The following EFCAB13 variants were observed in gnomAD, a reference collection of about 807,000 sequenced individuals.
The protein encoded by EFCAB13 is EF-hand calcium binding domain 13.
A neutral mutation model predicts 110.2 loss-of-function variants in EFCAB13; 91 were observed. The observed-to-expected ratio is 0.83, with a 90% CI of 0.70 to 0.98. The LOEUF (loss-of-function observed/expected upper bound fraction) is 0.98, where lower values mean the gene tolerates loss of function less well. Among genes scored for constraint, EFCAB13 ranks in the 50% least tolerant of loss-of-function variants. The pLI is 0.00. For missense variants in EFCAB13, 968 were observed against 1,119.4 expected (o/e 0.86, Z 1.93); for synonymous variants, 323 against 369.9 (o/e 0.87, Z 1.45).
intron 10 of EFCAB13, among the ~76,000 whole-genome samples, chr17:47,366,128 A>G (rs1912483): frequency 0.53 from 79,751 of 151,796 alleles, 21,409 homozygotes; most frequent in Middle Eastern, 0.58. Context: ...ATAGGTAGAT[A>G]ATATGTTCAT....
intron 10 of EFCAB13, 152 bp downstream of exon 10, chr17:47,361,673 A>G (rs186714560): frequency 1.7e-4 from 86 of 504,890 alleles, no homozygotes; most frequent in African/African-American, 1.5e-3. Context: ...ACTGGTGTCT[A>G]TAGTAAGAAA....
intron 23 of EFCAB13, among the ~76,000 whole-genome samples, chr17:47,427,479 C>T (rs924164465): frequency 8.5e-5 from 13 of 152,052 alleles, no homozygotes; most frequent in South Asian, 8.3e-4. Context: ...TGTGTGCTAG[C>T]TTCTTTAGGA....
intron 5 of EFCAB13, among the ~76,000 whole-genome samples, chr17:47,335,992 C>T (rs1469939508): frequency 6.6e-6 from 1 of 152,162 alleles, no homozygotes; most frequent in Non-Finnish European, 1.5e-5. Context: ...TAACTGGAAT[C>T]ATAGGATTCT....
intron 22 of EFCAB13, among the ~76,000 whole-genome samples, chr17:47,413,909 T>C (rs188359306): frequency 3.3e-5 from 5 of 152,328 alleles, no homozygotes; most frequent in Non-Finnish European, 7.3e-5. Context: ...CGAATCTTTT[T>C]TTCTGACTCT....
chr17:47,418,614 G>C (rs1431624071), intron 23 of EFCAB13, among the ~76,000 whole-genome samples: 6 of 152,000 alleles, frequency 3.9e-5, no homozygotes, highest in Admixed American at 2.6e-4. Flanking sequence ...TTATTTTGTT[G>C]CTTCTTTGAT....
At chr17:47,354,267 T>G (rs1482669411) in intron 9 of EFCAB13, among the ~76,000 whole-genome samples, 1 of 152,224 alleles carries the variant, frequency 6.6e-6, no homozygotes, top group African/African-American at 2.4e-5. Context: ...TTCTTAAATT[T>G]GTTGAGGCTT....
chr17:47,330,788 C>T (rs77485058), intron 4 of EFCAB13, among the ~76,000 whole-genome samples: 6,196 of 151,406 alleles, frequency 0.041, 292 homozygotes, highest in East Asian at 0.24. Context: ...TTTGATACAA[C>T]AACTTTTTTT....
rs1015422093 is a variant in EFCAB13 at position 47,324,490 on chromosome 17, G to C, written c.-281G>C. On this transcript the variant is annotated 5_prime_UTR_variant, in exon 2 of 25. Transcript: ENST00000331493. ...TTCGTAAGAGCAGGGTCTATGGGAA[G>C]CCTCCTCAGCGTGGGTTCTTGGAAG... 11 of 152,174 alleles carry C rather than the reference G, an allele frequency of 7.2e-5. No individual in the cohort carries two copies. Among genetic ancestry groups the C allele is most frequent in the African/African-American group, 2.7e-4 (11 of 41,430 alleles). The allele number at this position is 152,174 out of a possible 1,614,324, so 9.4% of individuals were successfully genotyped here.
chr17:47,379,266 T>A lies in EFCAB13; in HGVS notation c.1582+13T>A. Reference sequence around the variant, plus strand: ...CCTGAATGCAATGGTAGGTAGGAAATTTGTTTTAAAATGATTTAGAGGGAA... The same window carrying A: ...CCTGAATGCAATGGTAGGTAGGAAAATTGTTTTAAAATGATTTAGAGGGAA... On this transcript the variant is annotated intron_variant, in intron 14 of 24. Coordinates refer to ENST00000331493, the MANE Select transcript of EFCAB13 (RefSeq NM_152347.5). The A allele has an allele frequency of 6.2e-7, 1 of 1,607,558 alleles. No individual in the cohort carries two copies. The highest frequency in any genetic ancestry group is 8.5e-7 in the Non-Finnish European group (1 of 1,174,454).
At chr17:47,330,338 G>A (rs1269678626) in intron 4 of EFCAB13, among the ~76,000 whole-genome samples, 3 of 151,728 alleles carry the variant, frequency 2.0e-5, no homozygotes, top group Non-Finnish European at 4.4e-5. Flanking sequence ...TAGCTTCAGG[G>A]GTACAAGTGG....
Position 47,328,395 on chromosome 17 carries a change from A to G in EFCAB13, c.30+12A>G. The G allele has an allele frequency of 6.4e-7, 1 of 1,558,092 alleles. No individual in the cohort carries two copies. Among genetic ancestry groups the G allele is most frequent in the South Asian group, 1.2e-5 (1 of 83,884 alleles). On this transcript the variant is annotated intron_variant, in intron 4 of 24. Coordinates refer to ENST00000331493, the MANE Select transcript of EFCAB13 (RefSeq NM_152347.5). ...ATTTATTCTGCCAGGTATTTATTTAAAACAGTTTCTAAAGATTTCTTCTTT... is the reference window on the plus strand; with the variant it reads ...ATTTATTCTGCCAGGTATTTATTTAGAACAGTTTCTAAAGATTTCTTCTTT...
In EFCAB13 at chr17:47,370,437, GTAA is replaced by G; in HGVS notation, c.807_809del (p.Asn270del). On this transcript the variant is annotated inframe_deletion and splice_region_variant, in exon 11 of 25. Coordinates refer to ENST00000331493, the MANE Select transcript of EFCAB13 (RefSeq NM_152347.5). The stretch of plus-strand genomic sequence containing the variant: ...AGTATTTGAACTTATTCTATTACAG[GTAA>G]CCACATGGTGGATATTGGGGATATT... 6.3e-7 allele frequency: 1 copy of G among 1,575,982 alleles called. No individual in the cohort carries two copies. The highest frequency in any genetic ancestry group is 8.7e-7 in the Non-Finnish European group (1 of 1,145,988).
intron 15 of EFCAB13, among the ~76,000 whole-genome samples, chr17:47,392,953 T>C (rs1319190900): frequency 1.3e-5 from 2 of 152,194 alleles, no homozygotes; most frequent in Non-Finnish European, 2.9e-5. Flanking sequence ...TCGTAGAGAA[T>C]ATATAGGCAA....
intron 14 of EFCAB13, among the ~76,000 whole-genome samples, chr17:47,379,540 G>C (rs2143377094): frequency 6.7e-6 from 1 of 148,748 alleles, no homozygotes; most frequent in South Asian, 2.1e-4. Flanking sequence ...ACATTGATTA[G>C]GAATTGATGG....
chr17:47,423,566 G>GGAAC (rs1904803631), intron 23 of EFCAB13: 2 of 319,682 alleles, frequency 6.3e-6, no homozygotes, highest in African/African-American at 2.2e-5. Context: ...GGCTGCCGAG[G>GGAAC]GAACGCCTTT....
At chr17:47,364,616 A>G (rs913178009) in intron 10 of EFCAB13, among the ~76,000 whole-genome samples, 1 of 152,110 alleles carries the variant, frequency 6.6e-6, no homozygotes, top group African/African-American at 2.4e-5. Context: ...TTATCTCCCT[A>G]TCTTAGTCCA....
chr17:47,380,718 T>C (rs1156804093), intron 14 of EFCAB13, among the ~76,000 whole-genome samples: 2 of 152,192 alleles, frequency 1.3e-5, no homozygotes, highest in Non-Finnish European at 2.9e-5. Context: ...CGTTCCTATT[T>C]CTCCACATCC....
At chr17:47,399,463 TC>T (rs1445253021) in intron 17 of EFCAB13, among the ~76,000 whole-genome samples, 1 of 152,134 alleles carries the variant, frequency 6.6e-6, no homozygotes, top group Non-Finnish European at 1.5e-5. Context: ...ATGCTTTTTT[TC>T]CAAATTAAAT....
In EFCAB13 at chr17:47,415,501, TAAGTG is replaced by T. The variant is rs543844063; in HGVS notation, c.2494+586_2494+590del. Among the ~76,000 whole-genome samples the T allele has an allele frequency of 1.2e-4, 18 of 152,184 alleles. No homozygotes were observed. The South Asian group carries it at 3.5e-3, about 30-fold the overall frequency. On this transcript the variant is annotated intron_variant, in intron 23 of 24. Coordinates refer to ENST00000331493, the MANE Select transcript of EFCAB13 (RefSeq NM_152347.5). The stretch of plus-strand genomic sequence containing the variant: ...TAGTATAAATAATATAATATAAAAA[TAAGTG>T]AAGAAAATTGGGCAAAGATATAATG...
Sources: allele counts gnomAD v4.1 joint callset (sites outside exome capture counted in the v4.1 genomes callset), GRCh38; gene constraint gnomAD v4.1.1; transcripts MANE v1.5; gene names NCBI Gene and HGNC (gene_info 2026-07-23, HGNC 2026-07-21).